Variants in CYFIP1 observed in about 807,000 individuals in gnomAD.
The protein encoded by CYFIP1 is cytoplasmic FMR1 interacting protein 1, also known as cytoplasmic FMR1-interacting protein 1.
Under a neutral mutation model 163.5 loss-of-function variants are expected in CYFIP1, and 58 were observed. The observed-to-expected ratio is 0.35, with a 90% CI of 0.29 to 0.44. The LOEUF (loss-of-function observed/expected upper bound fraction) is 0.44, where lower values mean the gene tolerates loss of function less well. CYFIP1 is among the 20% of genes least tolerant of loss of function. The pLI is 1.00. For synonymous variants in CYFIP1, 663 were observed against 660.7 expected (o/e 1.00, Z -0.05); for missense variants, 1,338 against 1,653.8 (o/e 0.81, Z 3.31).
At chr15:22,876,856 G>T (rs889235425) in intron 26 of CYFIP1, among the ~76,000 whole-genome samples, 18 of 151,506 alleles carry the variant, frequency 1.2e-4, no homozygotes, top group African/African-American at 4.4e-4. Context: ...ATGATGTAAA[G>T]AAAAGCTTTT....
intron 11 of CYFIP1, 53 bp downstream of exon 11, chr15:22,932,166 GCAAA>G (rs772783357): frequency 4.5e-5 from 57 of 1,270,236 alleles, no homozygotes; most frequent in Non-Finnish European, 6.3e-5. Context: ...AGATTTGGGT[GCAAA>G]CACACACAGG....
At chr15:22,908,591 G>A (rs1028100670) in intron 21 of CYFIP1, among the ~76,000 whole-genome samples, 54 of 139,188 alleles carry the variant, frequency 3.9e-4, no homozygotes, top group African/African-American at 2.2e-4. Flanking sequence ...GTGCAGTGGC[G>A]CGATCTGGGC....
chr15:22,882,804 C>T (rs937830153), intron 24 of CYFIP1, 64 bp downstream of exon 24: 13 of 1,567,846 alleles, frequency 8.3e-6, no homozygotes, highest in Non-Finnish European at 1.0e-5. Context: ...AGAGAAGACC[C>T]TCTGGCATGG....
Position 22,973,935 on chromosome 15 carries a change from C to T in CYFIP1, c.-7+6352G>A, listed in dbSNP as rs190136590. Among the ~76,000 whole-genome samples the T allele has an allele frequency of 1.1e-3, 174 of 152,248 alleles. 1 individual carries two copies. Among genetic ancestry groups the T allele is most frequent in the Non-Finnish European group, 2.2e-3 (150 of 68,018 alleles). On this transcript the variant is annotated intron_variant, in intron 1 of 30. Transcript: ENST00000617928. ...AGGTGTATGAAAAAATGCTCAACAT[C>T]GCTAATCATCAGGGAATCCAAATCA...
chr15:22,902,921 G>A (rs892428417), intron 22 of CYFIP1, among the ~76,000 whole-genome samples: 2 of 152,222 alleles, frequency 1.3e-5, no homozygotes, highest in Non-Finnish European at 2.9e-5. Flanking sequence ...TCGGCATCCT[G>A]TCTCCTGAGA....
chr15:22,973,674 T>C (rs1260100837), intron 1 of CYFIP1, among the ~76,000 whole-genome samples: 1 of 151,954 alleles, frequency 6.6e-6, no homozygotes, highest in Non-Finnish European at 1.5e-5. Context: ...AAATAAAGCC[T>C]CAAAAGCAAA....
intron 26 of CYFIP1, among the ~76,000 whole-genome samples, chr15:22,875,890 A>ACATATATATATATG (rs1595491064): frequency 9.0e-5 from 12 of 133,024 alleles, no homozygotes; most frequent in African/African-American, 3.2e-4. Flanking sequence ...AATAACATAT[A>ACATATATATATATG]TATATATAAA....
chr15:22,944,238 C>CAAAAA (rs34662161), intron 5 of CYFIP1, among the ~76,000 whole-genome samples: 1 of 94,982 alleles, frequency 1.1e-5, no homozygotes, highest in African/African-American at 4.2e-5. Context: ...GACTCTGTCT[C>CAAAAA]AAAAAAAAAA....
At chr15:22,923,030 A>G (rs2061239498) in intron 13 of CYFIP1, among the ~76,000 whole-genome samples, 1 of 152,108 alleles carries the variant, frequency 6.6e-6, no homozygotes, top group Non-Finnish European at 1.5e-5. Context: ...AAGGAAACAC[A>G]GGAGTAAATC....
intron 1 of CYFIP1, among the ~76,000 whole-genome samples, chr15:22,969,334 T>C (rs1190993629): frequency 1.3e-5 from 2 of 152,080 alleles, no homozygotes; most frequent in East Asian, 3.9e-4. Context: ...GTGAAGGAAA[T>C]GCAGTCGTAA....
At chr15:22,961,176 C>A (rs2062668210) in intron 1 of CYFIP1, among the ~76,000 whole-genome samples, 2 of 151,862 alleles carry the variant, frequency 1.3e-5, no homozygotes, top group Admixed American at 1.3e-4. Flanking sequence ...GGCTCGCCAC[C>A]ATGCCGGGCT....
intron 23 of CYFIP1, among the ~76,000 whole-genome samples, chr15:22,884,677 T>A (rs1028858071): frequency 6.6e-6 from 1 of 152,144 alleles, no homozygotes; most frequent in Non-Finnish European, 1.5e-5. Context: ...CACTAGGCAG[T>A]ATTCCAGTGG....
At chr15:22,942,078 G>A (rs945175039) in intron 6 of CYFIP1, among the ~76,000 whole-genome samples, 3 of 152,236 alleles carry the variant, frequency 2.0e-5, no homozygotes, top group Non-Finnish European at 4.4e-5. Flanking sequence ...CCTTTCTCTA[G>A]TTCTGAAGAT....
chr15:22,956,596 C>G (rs1008349411), intron 1 of CYFIP1, among the ~76,000 whole-genome samples: 1 of 151,978 alleles, frequency 6.6e-6, no homozygotes, highest in African/African-American at 2.4e-5. Flanking sequence ...ACAAAGGAGT[C>G]AAACAAGTCA....
rs2061415111 is a variant in CYFIP1 at position 22,928,078 on chromosome 15, T to TC, written c.1111-51dup. 1.6e-5 allele frequency: 23 copies of TC among 1,430,886 alleles called. No homozygotes were observed. In the South Asian group the frequency reaches 3.2e-4, roughly 20 times the overall value. The allele number at this position is 1,430,886 out of a possible 1,614,324, so 88.6% of individuals were successfully genotyped here. A position where few individuals can be genotyped will look rare whatever the true frequency, so the allele number is the denominator to read the frequency against. ...TGAGAAACCAGCGCCCCCACCCAGC[T>TC]CCCCCCATCCCGGGATCCACCATGA... On this transcript the variant is annotated intron_variant, in intron 11 of 30. Coordinates refer to ENST00000617928, the MANE Select transcript of CYFIP1 (RefSeq NM_014608.6).
At chr15:22,954,738 T>A (rs1454246133) in intron 1 of CYFIP1, among the ~76,000 whole-genome samples, 1 of 152,204 alleles carries the variant, frequency 6.6e-6, no homozygotes, top group African/African-American at 2.4e-5. Context: ...GATATAAAAA[T>A]GAATTTAAAT....
At chr15:22,873,432 C>T in intron 29 of CYFIP1, 59 bp downstream of exon 29, 1 of 1,419,816 alleles carries the variant, frequency 7.0e-7, no homozygotes, top group Non-Finnish European at 9.8e-7. Flanking sequence ...ACACGCCTCC[C>T]CTCCCCCACA....
At position 22,972,369 on chromosome 15, in the gene CYFIP1, G is replaced by A. The variant is rs192153050; in HGVS notation, c.-7+7918C>T. ...GGAGAATCGCTTGAACCCGGGAGGC[G>A]GAGGTTGCAGTGATCCAAGATTGCG... On this transcript the variant is annotated intron_variant, in intron 1 of 30. Transcript: ENST00000617928. Among the ~76,000 whole-genome samples the A allele has an allele frequency of 6.2e-4, 94 of 152,114 alleles. 1 individual carries two copies. The highest frequency in any genetic ancestry group is 4.1e-3 in the East Asian group (21 of 5,150).
chr15:22,944,238 C>CAAAAAA (rs34662161), intron 5 of CYFIP1, among the ~76,000 whole-genome samples: 3 of 94,968 alleles, frequency 3.2e-5, no homozygotes, highest in East Asian at 6.8e-4. Flanking sequence ...GACTCTGTCT[C>CAAAAAA]AAAAAAAAAA....
Sources: allele counts gnomAD v4.1 joint callset (sites outside exome capture counted in the v4.1 genomes callset), GRCh38; gene constraint gnomAD v4.1.1; transcripts MANE v1.5; gene names NCBI Gene and HGNC (gene_info 2026-07-23, HGNC 2026-07-21).